Variants in BOP1 observed in about 807,000 individuals in gnomAD.
BOP1 encodes the protein ribosome biogenesis protein BOP1.
A neutral mutation model predicts 82.9 loss-of-function variants in BOP1; 54 were observed. The ratio of observed to expected loss-of-function variants is 0.65; its 90% CI spans 0.52 to 0.82. The LOEUF (loss-of-function observed/expected upper bound fraction) is 0.82, where lower values mean the gene tolerates loss of function less well. BOP1 is among the 40% of genes least tolerant of loss of function. The pLI is 0.00. For synonymous variants in BOP1, 566 were observed against 451.1 expected, an observed-to-expected ratio of 1.25 and a Z score of -3.23; for missense variants, 1,170 against 1,072.0, an observed-to-expected ratio of 1.09 and a Z score of -1.28.
intron 2 of BOP1, among the ~76,000 whole-genome samples, chr8:144,283,174 G>C (rs1173480697): frequency 2.9e-5 from 3 of 102,210 alleles, no homozygotes; most frequent in African/African-American, 1.1e-4. Flanking sequence ...CTCCAGCCTG[G>C]GCGATAAGAG....
intron 3 of BOP1, chr8:144,266,749 C>G: frequency 9.3e-7 from 1 of 1,080,004 alleles, no homozygotes; most frequent in Non-Finnish European, 1.1e-6. Context: ...GCACGCGGCG[C>G]GCTGCGGCCT....
At chr8:144,270,256 G>A (rs909381609) in intron 3 of BOP1, among the ~76,000 whole-genome samples, 1 of 152,296 alleles carries the variant, frequency 6.6e-6, no homozygotes. Context: ...GGGAAGGTGC[G>A]GGCCAGCATG....
chr8:144,281,474 T>C lies in BOP1; in HGVS notation c.310-5170A>G, dbSNP rs111426497. ...GTTTAATACCAGGTCTTCGGCCTTC[T>C]CTCACTTTCATACCAGGTCTTTGGC... On this transcript the variant is annotated intron_variant, in intron 2 of 15. Coordinates refer to ENST00000569669, the MANE Select transcript of BOP1 (RefSeq NM_015201.5). Among the ~76,000 whole-genome samples the C allele has an allele frequency of 9.6e-3, 13 of 1,360 alleles. 5 individuals are homozygous for C. The highest frequency in any genetic ancestry group is 0.021 in the Admixed American group (2 of 94). The allele number at this position is 1,360 out of a possible 152,430, so 0.9% of individuals were successfully genotyped here.
At chr8:144,273,711 C>T (rs957667873) in intron 3 of BOP1, among the ~76,000 whole-genome samples, 30 of 152,296 alleles carry the variant, frequency 2.0e-4, no homozygotes, top group African/African-American at 6.7e-4. Flanking sequence ...GATGAGATCA[C>T]GTCTGTGAAG....
chr8:144,262,800 ACCG>A, intron 13 of BOP1, 50 bp downstream of exon 13: 1 of 459,726 alleles, frequency 2.2e-6, no homozygotes, highest in Non-Finnish European at 3.5e-6. Context: ...TGCAGGGTAC[ACCG>A]CCCCCCCCCC....
At chr8:144,269,966 G>A (rs1349771307) in intron 3 of BOP1, among the ~76,000 whole-genome samples, 2 of 152,182 alleles carry the variant, frequency 1.3e-5, no homozygotes, top group African/African-American at 4.8e-5. Context: ...ACTGGGTGTA[G>A]TTCTGTAGGG....
intron 3 of BOP1, chr8:144,265,277 C>T (rs1292795053): frequency 2.6e-5 from 16 of 623,672 alleles, no homozygotes; most frequent in South Asian, 7.9e-5. Context: ...CCCCCGCCCT[C>T]GGAGGCGCCG....
At chr8:144,281,711 G>A (rs1296514664) in intron 2 of BOP1, 1 of 152,232 alleles carries the variant, frequency 6.6e-6, no homozygotes, top group East Asian at 1.9e-4. Flanking sequence ...CACCCAGGAT[G>A]GAGGCAGTGG....
intron 3 of BOP1, among the ~76,000 whole-genome samples, chr8:144,269,744 C>A (rs1845461422): frequency 6.6e-6 from 1 of 152,238 alleles, no homozygotes; most frequent in Admixed American, 6.5e-5. Flanking sequence ...GCCGGGAAGC[C>A]AGGGCCCGGG....
chr8:144,263,344 G>A lies in BOP1; in HGVS notation c.1482C>T (p.Ser494=). The A allele has an allele frequency of 1.9e-6, 3 of 1,595,144 alleles. No homozygotes were observed. The highest frequency in any genetic ancestry group is 2.5e-6 in the Non-Finnish European group (3 of 1,179,070). The stretch of plus-strand genomic sequence containing the variant: ...CGAAGGCGCTCAACAGCTGATCTGT[G>A]CTGCCCGCCACCAGCCGGTCCCCCA... ...PALGDRLVAG[S]TDQLLSAFVP... is the part of the protein sequence containing the mutation. Residue 494 remains serine (S), a synonymous_variant, in exon 12 of 16, where the codon AGC becomes AGT. Transcript: ENST00000569669.
At chr8:144,280,152 T>G (rs587690312) in intron 2 of BOP1, among the ~76,000 whole-genome samples, 37 of 152,292 alleles carry the variant, frequency 2.4e-4, no homozygotes, top group African/African-American at 7.7e-4. Flanking sequence ...GCTGCCTGAC[T>G]CCCCCATGGG....
At chr8:144,277,674 G>A (rs909152808) in intron 2 of BOP1, among the ~76,000 whole-genome samples, 13 of 152,258 alleles carry the variant, frequency 8.5e-5, no homozygotes, top group Non-Finnish European at 1.6e-4. Context: ...TGGGCAGGGG[G>A]CAGAGGTGGC....
At chr8:144,268,718 C>T (rs1291433385) in intron 3 of BOP1, among the ~76,000 whole-genome samples, 9 of 151,954 alleles carry the variant, frequency 5.9e-5, no homozygotes, top group African/African-American at 1.5e-4. Flanking sequence ...AAGGGAGCCA[C>T]GCCGGGAGAG....
At position 144,264,627 on chromosome 8, in the gene BOP1, A is replaced by T; in HGVS notation, c.664-11T>A. 1.9e-6 allele frequency: 3 copies of T among 1,586,244 alleles called. No individual in the cohort carries two copies. Among genetic ancestry groups the T allele is most frequent in the East Asian group, 4.6e-5 (2 of 43,774 alleles). On this transcript the variant is annotated splice_polypyrimidine_tract_variant and intron_variant, in intron 5 of 15. Coordinates refer to ENST00000569669, the MANE Select transcript of BOP1 (RefSeq NM_015201.5). The stretch of plus-strand genomic sequence containing the variant: ...GAAGTCGACAGCCGGCTGGGGGAGA[A>T]GATGTGGGCGTGTGGGCCAGAGTGG...
Position 144,262,642 on chromosome 8 carries a change from C to T in BOP1, c.1925G>A (p.Ser642Asn). 3.1e-6 allele frequency: 5 copies of T among 1,613,454 alleles called. 1 individual carries two copies. The South Asian group carries it at 3.3e-5, about 11-fold the overall frequency. ...GDNVICGSYD[S>N]KLVWFDLDLS... The stretch of plus-strand genomic sequence containing the variant: ...ATCCAGGTCAAACCACACCAGCTTG[C>T]TATCGTAGCTCCCACAGATGACGTT... Residue 642 changes from serine to asparagine, a missense_variant, in exon 14 of 16, where the codon AGC (serine) becomes AAC (asparagine). Transcript: ENST00000569669.
At chr8:144,274,528 T>C (rs1250889139) in intron 3 of BOP1, among the ~76,000 whole-genome samples, 1 of 152,234 alleles carries the variant, frequency 6.6e-6, no homozygotes, top group Non-Finnish European at 1.5e-5. Flanking sequence ...GGGAGGCATC[T>C]GTCCGGGCCT....
intron 3 of BOP1, chr8:144,268,428 T>C (rs1845431569): frequency 1.8e-6 from 1 of 565,044 alleles, no homozygotes; most frequent in Admixed American, 3.3e-5. Flanking sequence ...TTTGATATGA[T>C]AATATAAAGT....
At chr8:144,265,526 C>G (rs1845341285) in intron 3 of BOP1, 1 of 177,708 alleles carries the variant, frequency 5.6e-6, no homozygotes, top group African/African-American at 2.4e-5. Context: ...GTGGGGGACC[C>G]CCCACCGTCT....
At chr8:144,285,358 C>T (rs1484822635) in intron 2 of BOP1, among the ~76,000 whole-genome samples, 1 of 152,150 alleles carries the variant, frequency 6.6e-6, no homozygotes, top group Non-Finnish European at 1.5e-5. Context: ...GGATGTCCTT[C>T]AGATGCACGA....
Sources: gnomAD v4.1 joint callset for allele counts (sites outside exome capture counted in the v4.1 genomes callset) on GRCh38, gnomAD v4.1.1 for gene constraint, MANE v1.5 for transcripts, NCBI Gene and HGNC (gene_info 2026-07-23, HGNC 2026-07-21) for gene names.